TUBGCP2: variants seen among roughly 807,000 people sequenced by gnomAD.
The protein encoded by TUBGCP2 is gamma-tubulin complex component 2.
In TUBGCP2, 55 loss-of-function variants were observed where a neutral mutation model predicts 92.2. The ratio of observed to expected loss-of-function variants is 0.60; its 90% CI spans 0.48 to 0.75. TUBGCP2 has a LOEUF of 0.75. Ranked by LOEUF, TUBGCP2 falls within the 30% of genes least tolerant of loss-of-function variation. TUBGCP2 has a pLI of 0.00. For missense variants in TUBGCP2, 1,093 were observed against 1,188.9 expected (o/e 0.92, Z 1.19); for synonymous variants, 533 against 505.2 (o/e 1.06, Z -0.74).
intron 3 of TUBGCP2, 83 bp downstream of exon 3, chr10:133,299,902 T>C (rs934942753): frequency 6.5e-7 from 1 of 1,535,316 alleles, no homozygotes; most frequent in Admixed American, 2.0e-5. Flanking sequence ...GACAGGAAGA[T>C]GGCGTGGAGT....
chr10:133,293,515 CT>C (rs761434688), intron 6 of TUBGCP2, 46 bp downstream of exon 6: 3 of 1,538,400 alleles, frequency 2.0e-6, no homozygotes, highest in Non-Finnish European at 8.8e-7. Context: ...GACCTAACCC[CT>C]CCCCCACAAC....
chr10:133,298,068 T>C lies in TUBGCP2; in HGVS notation c.500A>G (p.Lys167Arg). The change falls in exon 5 of 18, where the codon AAA becomes AGA. Residue 167 changes from lysine (K) to arginine (R), a missense_variant. Lys to Arg is a conservative substitution (Grantham distance 26). This residue lies in a region of TUBGCP2 where 490 missense variants were observed against 488.5 expected (regional missense o/e 1.00). Coordinates refer to ENST00000252936, the MANE Select transcript of TUBGCP2 (RefSeq NM_006659.4). ...KRKMLRDKQN[K>R]KNSGQHLPIF... ...GGGGAGGTGCTGGCCTGAATTTTTT[T>C]TGTTCTGCTTGTCTCGAAGCATCTT... The C allele has an allele frequency of 6.2e-7, 1 of 1,614,186 alleles. No homozygotes were observed. Among genetic ancestry groups the C allele is most frequent in the Non-Finnish European group, 8.5e-7 (1 of 1,180,026 alleles).
chr10:133,285,225 G>A lies in TUBGCP2; in HGVS notation c.1896-12C>T, dbSNP rs769414377. On this transcript the variant is annotated splice_polypyrimidine_tract_variant and intron_variant, in intron 12 of 17. Transcript: ENST00000252936. This position sits in a 1 kb window ranked among gnomAD's most constrained non-coding sequence, Gnocchi z 6.8. ...GAGTGAGGGCTTTCCTGCAAGAGAC[G>A]TGGCGGCACCTCAGGTGGGCCTCCG... The A allele has an allele frequency of 3.0e-5, 48 of 1,611,074 alleles. No homozygotes were observed. The highest frequency in any genetic ancestry group is 1.7e-4 in the Middle Eastern group (1 of 6,060).
Position 133,298,094 on chromosome 10 carries a change from T to C in TUBGCP2, c.474A>G (p.Arg158=), listed in dbSNP as rs1223297276. The change falls in exon 5 of 18, where the codon AGA becomes AGG. Residue 158 remains arginine, a synonymous_variant. Transcript: ENST00000252936. Reference sequence around the variant, plus strand: ...TGTTCTGCTTGTCTCGAAGCATCTTTCTTTTAAGTTCCAGAGACTAGCAAG... The same window carrying C: ...TGTTCTGCTTGTCTCGAAGCATCTTCCTTTTAAGTTCCAGAGACTAGCAAG... The part of the protein sequence containing the change: ...STLQQSLELK[R]KMLRDKQNKK... 1 of 1,613,836 alleles carries C rather than the reference T, an allele frequency of 6.2e-7. No homozygotes were observed. The highest frequency in any genetic ancestry group is 8.5e-7 in the Non-Finnish European group (1 of 1,179,960).
intron 1 of TUBGCP2, 61 bp downstream of exon 1, chr10:133,308,762 C>G: frequency 5.7e-6 from 2 of 353,188 alleles, no homozygotes; most frequent in Non-Finnish European, 5.0e-6. Flanking sequence ...TGGGCCCCCC[C>G]GGGCCTGGCA....
rs375505299 is a variant in TUBGCP2 at position 133,285,423 on chromosome 10, G to C, written c.1895+33C>G. On this transcript the variant is annotated intron_variant, in intron 12 of 17. Coordinates refer to ENST00000252936, the MANE Select transcript of TUBGCP2 (RefSeq NM_006659.4). This position sits in a 1 kb window ranked among gnomAD's most constrained non-coding sequence, Gnocchi z 6.8. ...CTCGCTTCTGCCAAACCTGAGTGAA[G>C]ATCTGGCAGGTGCCCGAGCAGCCGA... is the stretch of plus-strand genomic sequence containing the variant. 5 of 1,612,844 alleles carry C rather than the reference G, an allele frequency of 3.1e-6. No homozygotes were observed. The African/African-American group carries it at 6.7e-5, about 22-fold the overall frequency.
At chr10:133,288,003 GA>G in intron 11 of TUBGCP2, 125 bp downstream of exon 11, 1 of 1,302,430 alleles carries the variant, frequency 7.7e-7, no homozygotes. Flanking sequence ...CCAAGTGAAG[GA>G]AACAGACCCT....
chr10:133,300,178 T>C, intron 2 of TUBGCP2, 65 bp from the exon 3 acceptor site: 1 of 1,565,870 alleles, frequency 6.4e-7, no homozygotes, highest in Non-Finnish European at 8.6e-7. Flanking sequence ...AAAAAAACCT[T>C]TACGAAAATT....
At chr10:133,284,672 T>C (rs1460012619) in intron 13 of TUBGCP2, among the ~76,000 whole-genome samples, 2 of 152,194 alleles carry the variant, frequency 1.3e-5, no homozygotes, top group Non-Finnish European at 1.5e-5. Flanking sequence ...GACAAATTCT[T>C]ATGAAGCTCT....
In TUBGCP2 at chr10:133,302,921, G is replaced by A. The variant is rs547607604; in HGVS notation, c.21C>T (p.His7=). 1 of 1,614,024 alleles carries A rather than the reference G, an allele frequency of 6.2e-7. No individual in the cohort carries two copies. Among genetic ancestry groups the A allele is most frequent in the South Asian group, 1.1e-5 (1 of 91,088 alleles). ...GGCTAAGCAGTTCATTGACGTCATG[G>A]TGAATCCGAAATTCACTCATAGTTT... is the stretch of plus-strand genomic sequence containing the variant. MSEFRI[H]HDVNELLSLL... Residue 7 remains histidine (H), a synonymous_variant, in exon 2 of 18, where the codon CAC becomes CAT. Transcript: ENST00000252936.
chr10:133,308,985 G>C (rs1589841431), upstream of TUBGCP2: 12 of 1,246,290 alleles, frequency 9.6e-6, no homozygotes, highest in East Asian at 3.8e-4. Context: ...TCGCTGCGGG[G>C]CCCGGGGCGG....
At position 133,290,088 on chromosome 10, in the gene TUBGCP2, C is replaced by T. The variant is rs181081702; in HGVS notation, c.1215-119G>A. ...CAGAGGCCAGCACACTTCCAAGTAA[C>T]GTTCCACAAGGGCCGAGCCTAATCT... On this transcript the variant is annotated intron_variant, in intron 8 of 17. Coordinates refer to ENST00000252936, the MANE Select transcript of TUBGCP2 (RefSeq NM_006659.4). The T allele has an allele frequency of 2.6e-3, 3,593 of 1,393,708 alleles. 15 individuals carry two copies. Among genetic ancestry groups the T allele is most frequent in the Middle Eastern group, 0.016 (63 of 3,834 alleles). The allele number at this position is 1,393,708 out of a possible 1,614,324, so 86.3% of individuals were successfully genotyped here.
In TUBGCP2 at chr10:133,293,242, G is replaced by C. The variant is rs755370491; in HGVS notation, c.825-4C>G. The C allele has an allele frequency of 1.4e-5, 23 of 1,612,344 alleles. No individual in the cohort carries two copies. Among genetic ancestry groups the C allele is most frequent in the Non-Finnish European group, 1.9e-5 (22 of 1,179,278 alleles). ...GGAAGACTTCTCTTCAATGAACCTGGAAGAAAAGCTGTCAGACTTCCTCAA... is the reference window on the plus strand; with the variant it reads ...GGAAGACTTCTCTTCAATGAACCTGCAAGAAAAGCTGTCAGACTTCCTCAA... On this transcript the variant is annotated splice_polypyrimidine_tract_variant and splice_region_variant and intron_variant, in intron 6 of 17. Transcript: ENST00000252936.
At position 133,308,835 on chromosome 10, in the gene TUBGCP2, G is replaced by A; in HGVS notation, c.-52C>T. 1 of 987,476 alleles carries A rather than the reference G, an allele frequency of 1.0e-6. No individual in the cohort carries two copies. The highest frequency in any genetic ancestry group is 1.3e-6 in the Non-Finnish European group (1 of 777,056). 61.2% of individuals were successfully genotyped at this position (987,476 alleles called of 1,614,324 possible). On this transcript the variant is annotated 5_prime_UTR_variant, in exon 1 of 18. Coordinates refer to ENST00000252936, the MANE Select transcript of TUBGCP2 (RefSeq NM_006659.4). ...GGCCAGGACTCACCGCAGTCCCGGA[G>A]CCACAGCCCCCGCGCAGCCCCCGAC...
intron 2 of TUBGCP2, chr10:133,301,735 CAG>C (rs1325134221): frequency 5.0e-5 from 4 of 80,090 alleles, no homozygotes; most frequent in Non-Finnish European, 6.3e-5. Flanking sequence ...TTTTTTGAGA[CAG>C]AGTCTCACTC....
intron 2 of TUBGCP2, chr10:133,301,764 A>C (rs149408157): frequency 4.3e-5 from 5 of 115,674 alleles, no homozygotes; most frequent in East Asian, 2.7e-4. Context: ...CCAGGCTGGA[A>C]TGCAGTGGCA....
intron 1 of TUBGCP2, among the ~76,000 whole-genome samples, chr10:133,305,939 C>T (rs1847806759): frequency 1.3e-5 from 2 of 152,226 alleles, no homozygotes; most frequent in Admixed American, 1.3e-4. Flanking sequence ...AACAAGGACA[C>T]GTCCTCTCCA....
At chr10:133,309,330 C>T (rs1847928855), upstream of TUBGCP2, 3 of 1,572,526 alleles carry the variant, frequency 1.9e-6, no homozygotes, top group Non-Finnish European at 2.6e-6. Context: ...TGGGCGAGGC[C>T]TGACGCGGTG....
rs1767915669 is a variant in TUBGCP2, at chr10:133,284,929, T to TA, written c.2024+155dup. ...ACAGGAAAATGAAGCAATGAAGCAT[T>TA]ATGGATCTAAAGCCACCAACGTGCG... On this transcript the variant is annotated intron_variant, in intron 13 of 17. Transcript: ENST00000252936. Among the ~76,000 whole-genome samples, 3 of 152,268 alleles carry TA rather than the reference T, an allele frequency of 2.0e-5. No homozygotes were observed. The South Asian group carries it at 6.2e-4, about 32-fold the overall frequency.
Sources: allele counts gnomAD v4.1 joint callset (sites outside exome capture counted in the v4.1 genomes callset), GRCh38; gene constraint gnomAD v4.1.1; regional missense constraint gnomAD v4.1.1; non-coding constraint Gnocchi (gnomAD v3.1); transcripts MANE v1.5; gene names NCBI Gene and HGNC (gene_info 2026-07-23, HGNC 2026-07-21).